Variants in SATL1 observed in about 807,000 individuals in gnomAD.
SATL1 encodes spermidine/spermine N1-acetyl transferase like 1.
Under a neutral mutation model 51.8 loss-of-function variants are expected in SATL1, and 47 were observed. The observed-to-expected ratio is 0.91, with a 90% CI of 0.72 to 1.16. The LOEUF (loss-of-function observed/expected upper bound fraction) is 1.16. SATL1 is among the 50% of genes most tolerant of loss of function. SATL1 has a pLI of 0.00. For synonymous variants in SATL1, 176 were observed against 182.4 expected (o/e 0.97, Z 0.28); for missense variants, 520 against 526.4 (o/e 0.99, Z 0.12).
intron 2 of SATL1, among the ~76,000 whole-genome samples, chrX:85,203,814 C>A (rs1927736405): frequency 8.9e-6 from 1 of 112,630 alleles, no homozygotes; most frequent in African/African-American, 3.2e-5. Flanking sequence ...AATGCCGCCA[C>A]TGGTAGCTGG....
chrX:85,160,194 A>G (rs1229214970), intron 2 of SATL1, among the ~76,000 whole-genome samples: 3 of 110,914 alleles, frequency 2.7e-5, no homozygotes, highest in Non-Finnish European at 5.7e-5. Context: ...GAGGACAGCG[A>G]CTTTAAAGAT....
At chrX:85,125,019 C>T (rs967125355) in intron 2 of SATL1, among the ~76,000 whole-genome samples, 2 of 109,153 alleles carry the variant, frequency 1.8e-5, no homozygotes, top group South Asian at 7.8e-4. Flanking sequence ...CCAGACTGTC[C>T]CGGGCAGTTT....
At chrX:85,155,886 A>G (rs984761350) in intron 2 of SATL1, among the ~76,000 whole-genome samples, 6 of 111,778 alleles carry the variant, frequency 5.4e-5, no homozygotes, top group Admixed American at 9.6e-5. Flanking sequence ...TAAATAAAAT[A>G]ATGTAATATT....
At chrX:85,234,209 T>C (rs926640822) in intron 1 of SATL1, among the ~76,000 whole-genome samples, 3 of 111,628 alleles carry the variant, frequency 2.7e-5, no homozygotes, top group African/African-American at 9.8e-5. Flanking sequence ...ATATTATACT[T>C]TGAACATGAA....
At chrX:85,097,678 T>C (rs1001336005) in intron 4 of SATL1, among the ~76,000 whole-genome samples, 1 of 112,099 alleles carries the variant, frequency 8.9e-6, no homozygotes, top group African/African-American at 3.2e-5. Flanking sequence ...TATAAAGATG[T>C]AATCCCTGAC....
At position 85,108,230 on chromosome X, in the gene SATL1, C is replaced by T; in HGVS notation, c.739G>A (p.Asp247Asn). 8.3e-7 allele frequency: 1 copy of T among 1,211,591 alleles called. No homozygotes were observed. The highest frequency in any genetic ancestry group is 1.8e-5 in the South Asian group (1 of 56,969). Residue 247 changes from aspartate (D) to asparagine (N), a missense_variant, in exon 3 of 8, where the codon GAC becomes AAC. Physicochemically the swap from Asp to Asn is conservative, Grantham distance 23. Coordinates refer to ENST00000644105, the MANE Select transcript of SATL1 (RefSeq NM_001367857.2). ...TCTGATAAACTTGATTGGTTTGCGT[C>T]TGGTTGGCTCATGTCTGTTTGGTTC... ...CKNQTDMSQP[D>N]ANQSSLSDSN... is the part of the protein sequence containing the mutation.
chrX:85,099,386 A>G (rs931759385), intron 4 of SATL1, among the ~76,000 whole-genome samples: 1 of 111,887 alleles, frequency 8.9e-6, no homozygotes, highest in Non-Finnish European at 1.9e-5. Context: ...AGAGACGGGA[A>G]CACTTTGTAA....
At chrX:85,182,587 C>A (rs1226137820) in intron 2 of SATL1, among the ~76,000 whole-genome samples, 1 of 111,650 alleles carries the variant, frequency 9.0e-6, no homozygotes, top group East Asian at 2.8e-4. Context: ...CCTTTGATTT[C>A]TTTTCCTTGC....
chrX:85,109,752 T>C (rs1436641387), intron 2 of SATL1, among the ~76,000 whole-genome samples: 1 of 111,952 alleles, frequency 8.9e-6, no homozygotes, highest in Non-Finnish European at 1.9e-5. Context: ...CTCACGCCTG[T>C]AATCCCAGCA....
intron 2 of SATL1, among the ~76,000 whole-genome samples, chrX:85,125,877 A>G (rs554523161): frequency 3.2e-4 from 35 of 110,537 alleles, no homozygotes; most frequent in African/African-American, 1.1e-3. Flanking sequence ...TTCTAAGAGT[A>G]CTTAGTCAAT....
intron 4 of SATL1, 48 bp from the exon 5 acceptor site, chrX:85,095,044 A>G (rs915504846): frequency 8.5e-6 from 6 of 705,714 alleles, no homozygotes; most frequent in Admixed American, 4.9e-5. Flanking sequence ...TATAGCAGAG[A>G]GAAGGAGATG....
chrX:85,095,025 CAG>C, intron 4 of SATL1, 29 bp from the exon 5 acceptor site: 1 of 867,066 alleles, frequency 1.2e-6, no homozygotes, highest in Non-Finnish European at 1.7e-6. Context: ...TATAGGATGT[CAG>C]AAAGTTTATA....
rs765253438 is a variant in SATL1, at chrX:85,231,419, G to A, written c.-434-7093C>T. Among the ~76,000 whole-genome samples the A allele has an allele frequency of 8.9e-5, 10 of 111,740 alleles. No individual in the cohort carries two copies. The East Asian group carries it at 2.5e-3, about 28-fold the overall frequency. The stretch of plus-strand genomic sequence containing the variant: ...AGATTCCAGTAATCATCCTCCCTGT[G>A]GGAACACCAAATTGAACAACTATCC... On this transcript the variant is annotated intron_variant, in intron 1 of 7. Coordinates refer to ENST00000644105, the MANE Select transcript of SATL1 (RefSeq NM_001367857.2).
rs749515729 is a variant in SATL1 at position 85,120,694 on chromosome X, C to G, written c.-312-11414G>C. Among the ~76,000 whole-genome samples, 129 of 111,905 alleles carry G rather than the reference C, an allele frequency of 1.2e-3. 1 individual carries two copies. The highest frequency in any genetic ancestry group is 3.7e-3 in the South Asian group (10 of 2,731). ...AAAGGTTTTTACAAGAAATATTGTG[C>G]TTAGTTAATAAGTACTCATTAGATG... On this transcript the variant is annotated intron_variant, in intron 2 of 7. Transcript: ENST00000644105.
intron 2 of SATL1, among the ~76,000 whole-genome samples, chrX:85,158,631 T>A (rs1926647732): frequency 1.8e-5 from 2 of 111,850 alleles, no homozygotes; most frequent in Admixed American, 9.5e-5. Flanking sequence ...ATTGGGGGAA[T>A]AAAAACTACA....
intron 2 of SATL1, among the ~76,000 whole-genome samples, chrX:85,121,479 ATCTATTTCTTGTTAG>A (rs1925507397): frequency 9.6e-6 from 1 of 104,395 alleles, no homozygotes; most frequent in Non-Finnish European, 1.9e-5. Flanking sequence ...TATATAGTAT[ATCTATTTCTTGTTAG>A]TATATAGTAT....
Position 85,094,081 on chromosome X carries a change from T to G in SATL1, c.1876+47A>C, listed in dbSNP as rs761811376. Reference sequence around the variant, plus strand: ...CCCTATCTCCTTAAAATATGTCACTTTAATTTTTAAAGTATTTAAAAGTAA... The same window carrying G: ...CCCTATCTCCTTAAAATATGTCACTGTAATTTTTAAAGTATTTAAAAGTAA... On this transcript the variant is annotated intron_variant, in intron 6 of 7. Coordinates refer to ENST00000644105, the MANE Select transcript of SATL1 (RefSeq NM_001367857.2). 6 of 699,332 alleles carry G rather than the reference T, an allele frequency of 8.6e-6. No homozygotes were observed. In the East Asian group the frequency reaches 2.0e-4, roughly 24 times the overall value. The allele number at this position is 699,332 out of a possible 1,213,427, so 57.6% of individuals were successfully genotyped here. A position where few individuals can be genotyped will look rare whatever the true frequency, so the allele number is the denominator to read the frequency against.
intron 2 of SATL1, among the ~76,000 whole-genome samples, chrX:85,120,735 C>T (rs1925485183): frequency 1.8e-5 from 2 of 111,804 alleles, no homozygotes; most frequent in African/African-American, 6.5e-5. Context: ...GATTTAGCAA[C>T]GTATACTTGA....
chrX:85,231,180 T>C (rs1330834851), intron 1 of SATL1, among the ~76,000 whole-genome samples: 2 of 111,543 alleles, frequency 1.8e-5, no homozygotes, highest in Non-Finnish European at 3.8e-5. Context: ...AATGAACGGA[T>C]AAAGAAAATG....
Sources: gnomAD v4.1 joint callset for allele counts (sites outside exome capture counted in the v4.1 genomes callset) on GRCh38, gnomAD v4.1.1 for gene constraint, MANE v1.5 for transcripts, NCBI Gene and HGNC (gene_info 2026-07-23, HGNC 2026-07-21) for gene names.